RXYLT1: variants seen among roughly 807,000 people sequenced by gnomAD.
The protein encoded by RXYLT1 is ribitol xylosyltransferase 1.
A neutral mutation model predicts 43.5 loss-of-function variants in RXYLT1; 41 were observed. The observed-to-expected ratio is 0.94, with a 90% CI of 0.73 to 1.22. RXYLT1 has a LOEUF of 1.22. Ranked by LOEUF, RXYLT1 falls within the 50% of genes most tolerant of loss-of-function variation. RXYLT1 has a pLI of 0.00. For missense variants in RXYLT1, 514 were observed against 532.0 expected (o/e 0.97, Z 0.33); for synonymous variants, 166 against 194.4 (o/e 0.85, Z 1.21).
At chr12:63,808,445 GTGTTACGGTGACTCCTAGATTTTATAAA>G in intron 5 of RXYLT1, 1 of 522,390 alleles carries the variant, frequency 1.9e-6, no homozygotes, top group Non-Finnish European at 3.3e-6. Context: ...CCATTCAGAA[GTGTTACGGTGACTCCTAGATTTTATAAA>G]TGTACAACTG....
intron 3 of RXYLT1, chr12:63,790,310 CTG>C (rs1344232270): frequency 1.3e-5 from 2 of 152,090 alleles, no homozygotes; most frequent in Non-Finnish European, 2.9e-5. Context: ...GCTTTTAACT[CTG>C]TTTCAGAAAG....
intron 3 of RXYLT1, among the ~76,000 whole-genome samples, chr12:63,792,759 A>G (rs1386463496): frequency 6.6e-6 from 1 of 152,246 alleles, no homozygotes; most frequent in African/African-American, 2.4e-5. Flanking sequence ...TTTTGCAATG[A>G]AAACCTTGAT....
chr12:63,788,887 TC>T (rs1443840673), intron 3 of RXYLT1, among the ~76,000 whole-genome samples: 6 of 152,258 alleles, frequency 3.9e-5, no homozygotes, highest in Non-Finnish European at 7.3e-5. Flanking sequence ...CATGCCTTCC[TC>T]ACTAAGCTTA....
Position 63,802,379 on chromosome 12 carries a change from T to C in RXYLT1, c.717T>C (p.Val239=). Residue 239 remains valine (V), a synonymous_variant, in exon 4 of 6, where the codon GTT becomes GTC. Transcript: ENST00000261234. ...GCCCCTGGATTAATGACGTGGATGT[T>C]TTTCAGTGGCCTTTAGGAGTAGCAA... ...YDSPWINDVD[V]FQWPLGVATY... 6.3e-7 allele frequency: 1 copy of C among 1,590,232 alleles called. No homozygotes were observed. The highest frequency in any genetic ancestry group is 8.6e-7 in the Non-Finnish European group (1 of 1,165,000).
rs922693472 is a variant in RXYLT1, at chr12:63,809,092, A to C, written c.1332A>C (p.Ter444TyrextTer4). 43 of 1,499,338 alleles carry C rather than the reference A, an allele frequency of 2.9e-5. No individual in the cohort carries two copies. The highest frequency in any genetic ancestry group is 3.7e-5 in the South Asian group (3 of 80,548). 92.9% of individuals were successfully genotyped at this position (1,499,338 alleles called of 1,614,324 possible). ...CATTTTTAATGAATAATAAAAGTTA[A>C]TTATCTTTTTGAGCTAACATGTGAT... is the stretch of plus-strand genomic sequence containing the variant. ...ESSFLMNNKS[*>Y] The change falls in exon 6 of 6, where the codon TAA (stop) becomes TAC (tyrosine). Residue 444 changes from the stop codon to tyrosine, a stop_lost. Transcript: ENST00000261234.
intron 3 of RXYLT1, among the ~76,000 whole-genome samples, chr12:63,796,316 C>T (rs1022599327): frequency 6.6e-6 from 1 of 152,154 alleles, no homozygotes; most frequent in Non-Finnish European, 1.5e-5. Context: ...TATTTGTTCC[C>T]GTTACTGATT....
intron 3 of RXYLT1, among the ~76,000 whole-genome samples, chr12:63,789,163 C>T (rs1897868581): frequency 6.6e-6 from 1 of 152,064 alleles, no homozygotes; most frequent in Non-Finnish European, 1.5e-5. Flanking sequence ...AGAGGGCATT[C>T]ATTATAGGGT....
chr12:63,793,699 AAAAC>A (rs1243992180), intron 3 of RXYLT1, among the ~76,000 whole-genome samples: 5 of 152,328 alleles, frequency 3.3e-5, no homozygotes, highest in Admixed American at 6.5e-5. Flanking sequence ...AGTGGGGTGA[AAAAC>A]AAATATTTAT....
At chr12:63,801,588 G>A (rs879477543) in intron 3 of RXYLT1, among the ~76,000 whole-genome samples, 50 of 152,158 alleles carry the variant, frequency 3.3e-4, no homozygotes, top group Non-Finnish European at 3.7e-4. Flanking sequence ...GGGAGACTGA[G>A]GTAGGTGGAT....
At chr12:63,797,265 CAT>C (rs1008855510) in intron 3 of RXYLT1, among the ~76,000 whole-genome samples, 1 of 151,842 alleles carries the variant, frequency 6.6e-6, no homozygotes, top group African/African-American at 2.4e-5. Flanking sequence ...TGCCCAGCCT[CAT>C]AAATTATTTT....
At chr12:63,800,142 A>G (rs11830133) in intron 3 of RXYLT1, among the ~76,000 whole-genome samples, 2,926 of 152,318 alleles carry the variant, frequency 0.019, 109 homozygotes, top group African/African-American at 0.066. Flanking sequence ...TTTGTTAACC[A>G]TGGAGTTATG....
rs1162070285 is a variant in RXYLT1 at position 63,780,105 on chromosome 12, C to A, written c.145C>A (p.Pro49Thr). The A allele has an allele frequency of 1.3e-6, 2 of 1,544,964 alleles. No homozygotes were observed. The highest frequency in any genetic ancestry group is 1.4e-5 in the African/African-American group (1 of 71,942). ...SPRGLRKGAA[P>T]ARERRGREQS... ...GCGGGGCCTCAGGAAGGGGGCGGCC[C>A]CCGCGCGGGAGAGACGCGGCCGAGG... Residue 49 changes from proline (P) to threonine (T), a missense_variant, in exon 1 of 6, where the codon CCC becomes ACC. Transcript: ENST00000261234.
chr12:63,793,145 T>A (rs567872684), intron 3 of RXYLT1, among the ~76,000 whole-genome samples: 24 of 152,318 alleles, frequency 1.6e-4, no homozygotes, highest in Non-Finnish European at 2.6e-4. Context: ...TTTTTCCTAA[T>A]CTGCTACAAC....
intron 3 of RXYLT1, among the ~76,000 whole-genome samples, chr12:63,798,749 T>C (rs546318798): frequency 1.3e-5 from 2 of 152,300 alleles, no homozygotes; most frequent in South Asian, 4.1e-4. Context: ...TGCACAAAAA[T>C]GAGTGTGGAA....
At position 63,780,207 on chromosome 12, in the gene RXYLT1, C is replaced by A. The variant is rs552291750; in HGVS notation, c.169+78C>A. The stretch of plus-strand genomic sequence containing the variant: ...CTGGGCGGCTGGGGCCGGGTCCCCG[C>A]ACCCGGCTCTCAAGTCCGGGATTAC... On this transcript the variant is annotated intron_variant, in intron 1 of 5. Coordinates refer to ENST00000261234, the MANE Select transcript of RXYLT1 (RefSeq NM_014254.3). 1.1e-4 allele frequency: 155 copies of A among 1,393,530 alleles called. No homozygotes were observed. In the African/African-American group the frequency reaches 2.3e-3, roughly 21 times the overall value. The allele number at this position is 1,393,530 out of a possible 1,614,324, so 86.3% of individuals were successfully genotyped here. A position where few individuals can be genotyped will look rare whatever the true frequency, so the allele number is the denominator to read the frequency against.
intron 3 of RXYLT1, among the ~76,000 whole-genome samples, chr12:63,789,583 T>C (rs1189078255): frequency 6.6e-6 from 1 of 152,150 alleles, no homozygotes; most frequent in African/African-American, 2.4e-5. Context: ...TTTCAATTTG[T>C]AAAAAACTCT....
chr12:63,791,514 G>T (rs1291556762), intron 3 of RXYLT1, among the ~76,000 whole-genome samples: 1 of 152,154 alleles, frequency 6.6e-6, no homozygotes, highest in Non-Finnish European at 1.5e-5. Context: ...GACTACTTTT[G>T]TAAGAAGTTA....
At chr12:63,784,299 G>T (rs1023291331) in intron 2 of RXYLT1, among the ~76,000 whole-genome samples, 25 of 152,104 alleles carry the variant, frequency 1.6e-4, no homozygotes, top group African/African-American at 5.8e-4. Context: ...ACCTCTTTGA[G>T]TGTAACCAAA....
intron 3 of RXYLT1, among the ~76,000 whole-genome samples, chr12:63,798,738 C>G (rs1314477386): frequency 6.6e-6 from 1 of 152,148 alleles, no homozygotes; most frequent in African/African-American, 2.4e-5. Flanking sequence ...AATGCACGCA[C>G]TGCACAAAAA....
Sources: allele counts gnomAD v4.1 joint callset (sites outside exome capture counted in the v4.1 genomes callset), GRCh38; gene constraint gnomAD v4.1.1; transcripts MANE v1.5; gene names NCBI Gene and HGNC (gene_info 2026-07-23, HGNC 2026-07-21).